Variants in VPS13B observed in about 807,000 individuals in gnomAD.
VPS13B encodes the protein intermembrane lipid transfer protein VPS13B.
A neutral mutation model predicts 426.4 loss-of-function variants in VPS13B; 285 were observed. The observed-to-expected ratio is 0.67, with a 90% CI of 0.61 to 0.74. The LOEUF (loss-of-function observed/expected upper bound fraction) is 0.74. Among genes scored for constraint, VPS13B ranks in the 30% least tolerant of loss-of-function variants. The pLI is 0.00. For missense variants in VPS13B, 4,537 were observed against 4,782.6 expected (o/e 0.95, Z 1.51); for synonymous variants, 1,676 against 1,676.4 (o/e 1.00, Z 0.01).
At chr8:99,547,172 C>G (rs1043528955) in intron 30 of VPS13B, among the ~76,000 whole-genome samples, 1 of 152,024 alleles carries the variant, frequency 6.6e-6, no homozygotes, top group African/African-American at 2.4e-5. Flanking sequence ...CAGCCTAGTC[C>G]AGACCTTCTG....
chr8:99,701,154 A>G (rs1202905818), intron 36 of VPS13B, among the ~76,000 whole-genome samples: 1 of 152,190 alleles, frequency 6.6e-6, no homozygotes, highest in Non-Finnish European at 1.5e-5. Context: ...CAAGCCAACT[A>G]AAAGTTCTGT....
At chr8:99,718,144 A>G (rs1379875527) in intron 37 of VPS13B, among the ~76,000 whole-genome samples, 4 of 152,086 alleles carry the variant, frequency 2.6e-5, no homozygotes, top group African/African-American at 7.2e-5. Context: ...CAGGGGTACA[A>G]TAATAGCTCA....
chr8:99,820,078 C>T lies in VPS13B; in HGVS notation c.8950C>T (p.Leu2984=). Residue 2984 remains leucine (L), a synonymous_variant, in exon 49 of 62, where the codon CTA becomes TTA. Coordinates refer to ENST00000357162, the MANE Select transcript of VPS13B (RefSeq NM_152564.5). The stretch of plus-strand genomic sequence containing the variant: ...GCTATTTGAAGGAGAGAAAATTGTT[C>T]TACAGGTTCCTGCTGGCAAAATTAT... ...LWLFEGEKIV[L]QVPAGKIIIP... is the part of the protein sequence containing the mutation. The T allele has an allele frequency of 6.2e-7, 1 of 1,613,942 alleles. No individual in the cohort carries two copies. The highest frequency in any genetic ancestry group is 8.5e-7 in the Non-Finnish European group (1 of 1,179,852).
rs2130339813 is a variant in VPS13B at position 99,720,359 on chromosome 8, A to G, written c.6672A>G (p.Gln2224=). The G allele has an allele frequency of 6.2e-7, 1 of 1,612,970 alleles. No individual in the cohort carries two copies. Among genetic ancestry groups the G allele is most frequent in the South Asian group, 1.1e-5 (1 of 91,016 alleles). Residue 2224 remains glutamine (Q), a synonymous_variant, in exon 38 of 62, where the codon CAA becomes CAG. Coordinates refer to ENST00000357162, the MANE Select transcript of VPS13B (RefSeq NM_152564.5). ...RGGLLQVFWG[Q]EHLNCLVLLH... is the part of the protein sequence containing the mutation. The stretch of plus-strand genomic sequence containing the variant: ...TGATTTTAAAGGTCTTCTGGGGTCA[A>G]GAACATTTGAATTGTTTAGTTCTTC...
chr8:99,636,835 C>T (rs776429042), intron 33 of VPS13B, among the ~76,000 whole-genome samples: 3 of 151,966 alleles, frequency 2.0e-5, no homozygotes, highest in Non-Finnish European at 2.9e-5. Context: ...TTGAAAGGGA[C>T]GCAAAGTACA....
intron 39 of VPS13B, among the ~76,000 whole-genome samples, chr8:99,722,968 A>G (rs1354468549): frequency 6.6e-6 from 1 of 152,222 alleles, no homozygotes; most frequent in Non-Finnish European, 1.5e-5. Context: ...TGTAATAACT[A>G]ATTATTGGTG....
At chr8:99,810,378 T>C (rs568727731) in intron 44 of VPS13B, among the ~76,000 whole-genome samples, 2 of 152,298 alleles carry the variant, frequency 1.3e-5, no homozygotes, top group East Asian at 3.9e-4. Context: ...AAACAGCACT[T>C]AGTCCCTGGA....
At chr8:99,791,816 C>A (rs1185571526) in intron 43 of VPS13B, among the ~76,000 whole-genome samples, 1 of 150,274 alleles carries the variant, frequency 6.7e-6, no homozygotes, top group African/African-American at 2.4e-5. Flanking sequence ...AAGTAATTTG[C>A]AGGATGACTT....
intron 19 of VPS13B, among the ~76,000 whole-genome samples, chr8:99,304,203 A>T (rs1380766378): frequency 6.6e-6 from 1 of 152,180 alleles, no homozygotes; most frequent in Non-Finnish European, 1.5e-5. Flanking sequence ...TTAGAATAAG[A>T]TTTGGCACAT....
intron 30 of VPS13B, among the ~76,000 whole-genome samples, chr8:99,525,253 C>A (rs561476042): frequency 1.3e-5 from 2 of 152,070 alleles, no homozygotes; most frequent in East Asian, 3.9e-4. Context: ...TAAATAGAAA[C>A]AACAAAAAGT....
At chr8:99,390,823 A>C (rs1814401007) in intron 20 of VPS13B, among the ~76,000 whole-genome samples, 1 of 152,256 alleles carries the variant, frequency 6.6e-6, no homozygotes, top group African/African-American at 2.4e-5. Context: ...TTTGCCAATA[A>C]TATGACAAAA....
intron 19 of VPS13B, among the ~76,000 whole-genome samples, chr8:99,372,475 CAAAT>C (rs1300673604): frequency 1.2e-4 from 18 of 152,188 alleles, no homozygotes; most frequent in African/African-American, 3.1e-4. Context: ...AGAGAAAAAA[CAAAT>C]AACCCCATCA....
At chr8:99,466,230 G>A (rs1819106113) in intron 23 of VPS13B, among the ~76,000 whole-genome samples, 3 of 151,918 alleles carry the variant, frequency 2.0e-5, no homozygotes, top group South Asian at 2.1e-4. Context: ...TATTGGGGGT[G>A]GCAAAATAGA....
At chr8:99,163,361 C>T (rs1040528132) in intron 15 of VPS13B, among the ~76,000 whole-genome samples, 3 of 152,230 alleles carry the variant, frequency 2.0e-5, no homozygotes, top group Non-Finnish European at 4.4e-5. Flanking sequence ...ACCGGGGCTG[C>T]AGGTGGAGCT....
chr8:99,788,763 A>C lies in VPS13B; in HGVS notation c.7941+4287A>C, dbSNP rs541426757. Among the ~76,000 whole-genome samples, 8 of 152,322 alleles carry C rather than the reference A, an allele frequency of 5.3e-5. No homozygotes were observed. The South Asian group carries it at 1.7e-3, about 32-fold the overall frequency. Reference sequence around the variant, plus strand: ...CCATCCATTTAAAAATGTAAAAACCATTCTCTGCTCACAGGCTATCCAAAA... The same window carrying C: ...CCATCCATTTAAAAATGTAAAAACCCTTCTCTGCTCACAGGCTATCCAAAA... On this transcript the variant is annotated intron_variant, in intron 43 of 61. Coordinates refer to ENST00000357162, the MANE Select transcript of VPS13B (RefSeq NM_152564.5).
chr8:99,592,362 G>C (rs1296340154), intron 33 of VPS13B, among the ~76,000 whole-genome samples: 2 of 152,002 alleles, frequency 1.3e-5, no homozygotes, highest in Non-Finnish European at 2.9e-5. Flanking sequence ...TCCATTGCTG[G>C]TGAGGAGCTA....
At chr8:99,230,079 C>G (rs895856985) in intron 17 of VPS13B, among the ~76,000 whole-genome samples, 1 of 152,086 alleles carries the variant, frequency 6.6e-6, no homozygotes, top group Admixed American at 6.6e-5. Flanking sequence ...ACTCATTAAC[C>G]AGTTATTTTG....
chr8:99,606,731 C>T (rs1293465453), intron 33 of VPS13B, among the ~76,000 whole-genome samples: 1 of 150,486 alleles, frequency 6.6e-6, no homozygotes, highest in Non-Finnish European at 1.5e-5. Flanking sequence ...CAGATTCAAG[C>T]GATTCTCCTG....
chr8:99,300,390 T>G (rs1389154166), intron 19 of VPS13B, among the ~76,000 whole-genome samples: 1 of 152,234 alleles, frequency 6.6e-6, no homozygotes, highest in East Asian at 1.9e-4. Context: ...AGAATATATA[T>G]TTCTCAATAA....
Sources: gnomAD v4.1 joint callset for allele counts (sites outside exome capture counted in the v4.1 genomes callset) on GRCh38, gnomAD v4.1.1 for gene constraint, MANE v1.5 for transcripts, NCBI Gene and HGNC (gene_info 2026-07-23, HGNC 2026-07-21) for gene names.